CNTN5: variants seen among roughly 807,000 people sequenced by gnomAD.
The protein encoded by CNTN5 is contactin-5.
CNTN5 carries 77 observed loss-of-function variants against 129.1 expected under a neutral mutation model. The observed-to-expected ratio is 0.60, with a 90% CI of 0.50 to 0.72. The LOEUF is 0.72. Among genes scored for constraint, CNTN5 ranks in the 30% least tolerant of loss-of-function variants. The probability of loss-of-function intolerance (pLI) is 0.00; values close to 1 mark genes in which losing one functional copy is unlikely to be tolerated. For synonymous variants in CNTN5, 509 were observed against 465.6 expected (o/e 1.09, Z -1.20); for missense variants, 1,478 against 1,328.8 (o/e 1.11, Z -1.75).
intron 1 of CNTN5, among the ~76,000 whole-genome samples, chr11:99,170,515 G>C (rs981408967): frequency 7.9e-5 from 12 of 152,146 alleles, no homozygotes; most frequent in African/African-American, 2.7e-4. Flanking sequence ...ATTGCTTCTA[G>C]TTCTGTTACG....
chr11:100,067,467 C>CATTTCAGGATT (rs1438281532), intron 10 of CNTN5, among the ~76,000 whole-genome samples: 1 of 129,556 alleles, frequency 7.7e-6, no homozygotes, highest in African/African-American at 2.9e-5. Flanking sequence ...CAAGTTATGC[C>CATTTCAGGATT]ATTTCAGGAT....
rs1005972958 is a variant in CNTN5 at position 99,436,489 on chromosome 11, A to G, written c.-71+111005A>G. 2.6e-5 allele frequency among the ~76,000 whole-genome samples: 4 copies of G among 152,108 alleles called. No individual in the cohort carries two copies. The East Asian group carries it at 5.8e-4, about 22-fold the overall frequency. On this transcript the variant is annotated intron_variant, in intron 2 of 24. Coordinates refer to ENST00000524871, the MANE Select transcript of CNTN5 (RefSeq NM_014361.4). ...AATCTTACTCACTTTATATTTGTTT[A>G]GGATGTTCTGTTTAAGGTACAGTTT...
chr11:99,985,093 T>C (rs1210653483), intron 8 of CNTN5, among the ~76,000 whole-genome samples: 1 of 152,104 alleles, frequency 6.6e-6, no homozygotes, highest in Non-Finnish European at 1.5e-5. Flanking sequence ...TAGAGTGCAG[T>C]GTATTATCAG....
At chr11:100,327,279 A>G (rs1951808327) in intron 21 of CNTN5, among the ~76,000 whole-genome samples, 1 of 152,186 alleles carries the variant, frequency 6.6e-6, no homozygotes, top group Non-Finnish European at 1.5e-5. Flanking sequence ...GCCAACTACA[A>G]GATCTGGCTC....
At chr11:99,314,490 G>A (rs1591510156) in intron 1 of CNTN5, among the ~76,000 whole-genome samples, 3 of 152,004 alleles carry the variant, frequency 2.0e-5, no homozygotes, top group Admixed American at 1.3e-4. Flanking sequence ...ACTATGTAAA[G>A]GCTAGTTTTA....
chr11:99,242,596 G>A (rs1425089918), intron 1 of CNTN5, among the ~76,000 whole-genome samples: 1 of 151,978 alleles, frequency 6.6e-6, no homozygotes, highest in East Asian at 1.9e-4. Context: ...CAGGTACTAA[G>A]CATAGTACAC....
intron 6 of CNTN5, among the ~76,000 whole-genome samples, chr11:99,906,326 T>C (rs776301974): frequency 1.3e-5 from 2 of 152,176 alleles, no homozygotes; most frequent in South Asian, 2.1e-4. Flanking sequence ...ACCTAGCTTA[T>C]TGAGAGTTTT....
intron 1 of CNTN5, among the ~76,000 whole-genome samples, chr11:99,134,829 T>C (rs1190223349): frequency 1.3e-5 from 2 of 152,218 alleles, no homozygotes; most frequent in Non-Finnish European, 2.9e-5. Flanking sequence ...AGATTTCTAA[T>C]GACATGTGAA....
At chr11:99,907,987 C>A (rs893436257) in intron 6 of CNTN5, among the ~76,000 whole-genome samples, 1 of 152,032 alleles carries the variant, frequency 6.6e-6, no homozygotes, top group African/African-American at 2.4e-5. Context: ...TATAAAATTA[C>A]ACGTTGAAAA....
At chr11:99,739,885 A>C (rs115814730) in intron 3 of CNTN5, among the ~76,000 whole-genome samples, 1 of 152,170 alleles carries the variant, frequency 6.6e-6, no homozygotes, top group South Asian at 2.1e-4. Context: ...TTTAGCTGGC[A>C]CAAGGGACTA....
rs1240748056 is a variant in CNTN5, at chr11:99,784,250, C to A, written c.56-35294C>A. 2.6e-5 allele frequency among the ~76,000 whole-genome samples: 4 copies of A among 151,984 alleles called. 1 individual carries two copies. In the East Asian group the frequency reaches 5.9e-4, roughly 22 times the overall value. On this transcript the variant is annotated intron_variant, in intron 3 of 24. Transcript: ENST00000524871. Reference sequence around the variant, plus strand: ...ATGGTGGTTTGCTCCACCCATCAACCCGTCATCTACATTACATTAGGTATT... The same window carrying A: ...ATGGTGGTTTGCTCCACCCATCAACACGTCATCTACATTACATTAGGTATT...
chr11:100,021,168 T>C (rs1355171952), intron 9 of CNTN5, among the ~76,000 whole-genome samples: 1 of 152,190 alleles, frequency 6.6e-6, no homozygotes, highest in Non-Finnish European at 1.5e-5. Flanking sequence ...AATTACATTA[T>C]GGTCAAATAA....
intron 1 of CNTN5, among the ~76,000 whole-genome samples, chr11:99,023,383 AG>A (rs1474574651): frequency 6.6e-6 from 1 of 152,172 alleles, no homozygotes; most frequent in African/African-American, 2.4e-5. Flanking sequence ...GACCACTTTC[AG>A]GGTAGAGGTA....
At chr11:99,133,600 G>C (rs7482717) in intron 1 of CNTN5, among the ~76,000 whole-genome samples, 116,254 of 129,430 alleles carry the variant, frequency 0.9, 52,503 homozygotes, top group East Asian at 0.99. Context: ...GCAAAGGATA[G>C]GAACAGACAC....
chr11:99,434,054 A>G (rs1943505060), intron 2 of CNTN5, among the ~76,000 whole-genome samples: 1 of 152,168 alleles, frequency 6.6e-6, no homozygotes, highest in Non-Finnish European at 1.5e-5. Flanking sequence ...GCTCAGTGCC[A>G]TACCTACAAT....
At chr11:99,235,501 T>C (rs1861217665) in intron 1 of CNTN5, among the ~76,000 whole-genome samples, 1 of 152,116 alleles carries the variant, frequency 6.6e-6, no homozygotes, top group South Asian at 2.1e-4. Flanking sequence ...ATTAGAGCTA[T>C]TCAAGTATTT....
intron 1 of CNTN5, among the ~76,000 whole-genome samples, chr11:99,312,704 T>C (rs533358724): frequency 3.3e-5 from 5 of 152,206 alleles, no homozygotes; most frequent in Non-Finnish European, 7.4e-5. Flanking sequence ...GCTTAGAACA[T>C]TCTGCAACAT....
chr11:99,951,698 C>T (rs536456239), intron 7 of CNTN5, among the ~76,000 whole-genome samples: 7 of 152,208 alleles, frequency 4.6e-5, no homozygotes, highest in Non-Finnish European at 1.0e-4. Flanking sequence ...TGCTCATTCA[C>T]AGTACATTCC....
At chr11:99,598,186 A>G (rs1329291771) in intron 3 of CNTN5, among the ~76,000 whole-genome samples, 1 of 152,062 alleles carries the variant, frequency 6.6e-6, no homozygotes, top group Non-Finnish European at 1.5e-5. Flanking sequence ...AACTGTATCC[A>G]TGCTACCCCC....
Sources: gnomAD v4.1 joint callset for allele counts (sites outside exome capture counted in the v4.1 genomes callset) on GRCh38, gnomAD v4.1.1 for gene constraint, MANE v1.5 for transcripts, NCBI Gene and HGNC (gene_info 2026-07-23, HGNC 2026-07-21) for gene names.